The following MAP4K3 variants were observed in gnomAD, a reference collection of about 807,000 sequenced individuals.
The protein encoded by MAP4K3 is mitogen-activated protein kinase kinase kinase kinase 3, also known as MAPK/ERK kinase kinase kinase 3.
A neutral mutation model predicts 143.5 loss-of-function variants in MAP4K3; 94 were observed. That is an observed-to-expected ratio of 0.65 (90% CI 0.55 to 0.78). The LOEUF (loss-of-function observed/expected upper bound fraction) is 0.78. Among genes scored for constraint, MAP4K3 ranks in the 30% least tolerant of loss-of-function variants. The pLI is 0.00. For missense variants in MAP4K3, 1,077 were observed against 1,068.1 expected (o/e 1.01, Z -0.12); for synonymous variants, 416 against 347.2 (o/e 1.20, Z -2.20).
intron 32 of MAP4K3, among the ~76,000 whole-genome samples, chr2:39,252,903 T>C (rs1412568063): frequency 1.3e-5 from 2 of 152,174 alleles, no homozygotes; most frequent in Non-Finnish European, 2.9e-5. Context: ...GAAGCTAACA[T>C]TTTTGGAGGT....
At chr2:39,360,937 A>G (rs1246713942) in intron 2 of MAP4K3, among the ~76,000 whole-genome samples, 1 of 152,150 alleles carries the variant, frequency 6.6e-6, no homozygotes, top group African/African-American at 2.4e-5. Context: ...CTATATCAAC[A>G]ATCAAAACAA....
chr2:39,331,828 C>A, intron 8 of MAP4K3, 89 bp downstream of exon 8: 2 of 810,818 alleles, frequency 2.5e-6, no homozygotes, highest in Non-Finnish European at 1.9e-6. Context: ...TAATCTTAGT[C>A]TGAAAAATTC....
chr2:39,272,981 A>G (rs937448454), intron 24 of MAP4K3, among the ~76,000 whole-genome samples: 3 of 152,102 alleles, frequency 2.0e-5, no homozygotes, highest in African/African-American at 7.2e-5. Flanking sequence ...GTAGTGGAAC[A>G]CAGGATACAG....
At position 39,260,730 on chromosome 2, in the gene MAP4K3, C is replaced by G. The variant is rs1241866896; in HGVS notation, c.2184G>C (p.Leu728=). The change falls in exon 29 of 34, where the codon CTG becomes CTC. Residue 728 remains leucine, a synonymous_variant. Transcript: ENST00000263881. ...AAGGGTACTCCTGTTCAGGAACTAC[C>G]AGCATTTCAAACATTCTAAGTGGAC... ...IPCPLRMFEM[L]VVPEQEYPLV... 1 of 1,613,512 alleles carries G rather than the reference C, an allele frequency of 6.2e-7. No homozygotes were observed. The highest frequency in any genetic ancestry group is 8.5e-7 in the Non-Finnish European group (1 of 1,179,612).
chr2:39,435,621 C>A (rs995190867), intron 1 of MAP4K3, among the ~76,000 whole-genome samples: 2 of 152,182 alleles, frequency 1.3e-5, no homozygotes, highest in African/African-American at 2.4e-5. Flanking sequence ...CAAAATTAAA[C>A]GGCAATAATT....
At chr2:39,386,403 T>A (rs1666506494) in intron 1 of MAP4K3, among the ~76,000 whole-genome samples, 1 of 152,246 alleles carries the variant, frequency 6.6e-6, no homozygotes, top group Non-Finnish European at 1.5e-5. Context: ...AAAGTTTTTA[T>A]TTTTGATAAA....
chr2:39,343,714 C>T (rs1665205964), intron 3 of MAP4K3, among the ~76,000 whole-genome samples: 1 of 152,062 alleles, frequency 6.6e-6, no homozygotes, highest in African/African-American at 2.4e-5. Context: ...AATGAAAATA[C>T]TTCCCTTTAG....
chr2:39,333,690 A>C, intron 6 of MAP4K3, 116 bp from the exon 7 acceptor site: 1 of 532,680 alleles, frequency 1.9e-6, no homozygotes, highest in Non-Finnish European at 3.3e-6. Context: ...AAATACTTAA[A>C]GTGTGCTTAA....
intron 2 of MAP4K3, among the ~76,000 whole-genome samples, chr2:39,366,896 C>A (rs1159129249): frequency 6.6e-6 from 1 of 152,144 alleles, no homozygotes; most frequent in East Asian, 1.9e-4. Flanking sequence ...GAAGCAGCAC[C>A]CAACTTTGAA....
rs147296131 is a variant in MAP4K3 at position 39,290,534 on chromosome 2, T to C, written c.1272-200A>G. Among the ~76,000 whole-genome samples the C allele has an allele frequency of 3.7e-3, 566 of 152,232 alleles. 5 individuals are homozygous for C. Among genetic ancestry groups the C allele is most frequent in the African/African-American group, 0.013 (543 of 41,524 alleles). On this transcript the variant is annotated intron_variant, in intron 18 of 33. Transcript: ENST00000263881. ...AGTAACTGGGAACTGGAGGACATTA[T>C]GTTAAGTGAAATAAGCCAAAACAGA... is the stretch of plus-strand genomic sequence containing the variant.
At chr2:39,374,307 G>A (rs1666160991) in intron 2 of MAP4K3, among the ~76,000 whole-genome samples, 2 of 152,148 alleles carry the variant, frequency 1.3e-5, no homozygotes, top group South Asian at 4.1e-4. Flanking sequence ...GGCGGAGGTT[G>A]CAGTGAGCCA....
intron 12 of MAP4K3, among the ~76,000 whole-genome samples, chr2:39,316,130 T>C (rs1399235428): frequency 6.6e-6 from 1 of 152,006 alleles, no homozygotes; most frequent in Non-Finnish European, 1.5e-5. Flanking sequence ...TTTCCATGAG[T>C]AGGAAACATA....
intron 12 of MAP4K3, 87 bp from the exon 13 acceptor site, chr2:39,315,475 C>A: frequency 1.1e-6 from 1 of 900,070 alleles, no homozygotes; most frequent in Non-Finnish European, 1.7e-6. Flanking sequence ...GGAAAAAATA[C>A]TTCATTTTAA....
At chr2:39,381,860 G>T (rs548095413) in intron 1 of MAP4K3, among the ~76,000 whole-genome samples, 98 of 152,188 alleles carry the variant, frequency 6.4e-4, no homozygotes, top group Non-Finnish European at 1.0e-3. Flanking sequence ...GACATCCTTC[G>T]AAGCTCAGCT....
At chr2:39,378,233 A>G in intron 1 of MAP4K3, 110 bp from the exon 2 acceptor site, 1 of 603,760 alleles carries the variant, frequency 1.7e-6, no homozygotes. Flanking sequence ...TTTAAAAGAA[A>G]TGCAAATGTA....
chr2:39,272,127 A>G, intron 26 of MAP4K3, 156 bp downstream of exon 26: 1 of 492,112 alleles, frequency 2.0e-6, no homozygotes, highest in Non-Finnish European at 3.6e-6. Context: ...TTAGAACAAG[A>G]GTGTGATCAC....
intron 6 of MAP4K3, among the ~76,000 whole-genome samples, 178 bp downstream of exon 6, chr2:39,336,742 T>C (rs921126140): frequency 5.3e-5 from 8 of 152,100 alleles, no homozygotes; most frequent in African/African-American, 1.9e-4. Context: ...TTTTATGGTA[T>C]GTGAATTGTG....
At chr2:39,360,697 G>T (rs1191033042) in intron 2 of MAP4K3, among the ~76,000 whole-genome samples, 1 of 152,150 alleles carries the variant, frequency 6.6e-6, no homozygotes, top group Non-Finnish European at 1.5e-5. Context: ...ATGGCAGAGG[G>T]GGAAGCAAAC....
intron 1 of MAP4K3, among the ~76,000 whole-genome samples, chr2:39,402,728 A>G (rs868056954): frequency 1.3e-5 from 2 of 152,020 alleles, no homozygotes; most frequent in Non-Finnish European, 2.9e-5. Context: ...AGAAAAATCA[A>G]TAAAATTAAG....
Sources: gnomAD v4.1 joint callset for allele counts (sites outside exome capture counted in the v4.1 genomes callset) on GRCh38, gnomAD v4.1.1 for gene constraint, MANE v1.5 for transcripts, NCBI Gene and HGNC (gene_info 2026-07-23, HGNC 2026-07-21) for gene names.